The following STRA6 variants were observed in gnomAD, a reference collection of about 807,000 sequenced individuals.
STRA6 encodes receptor for retinol uptake STRA6.
Under a neutral mutation model 83.6 loss-of-function variants are expected in STRA6, and 48 were observed. The observed-to-expected ratio is 0.57, with a 90% CI of 0.46 to 0.73. The LOEUF is 0.73. STRA6 is among the 30% of genes least tolerant of loss of function. The pLI is 0.00. For missense variants in STRA6, 760 were observed against 838.8 expected (o/e 0.91, Z 1.16); for synonymous variants, 353 against 362.3 (o/e 0.97, Z 0.29).
chr15:74,202,440 C>T (rs780848526), intron 1 of STRA6, 158 bp from the exon 2 acceptor site: 5 of 1,536,302 alleles, frequency 3.3e-6, no homozygotes, highest in East Asian at 4.9e-5. Flanking sequence ...GGGAAAAGCC[C>T]GTCTGGGACT....
At chr15:74,182,571 T>A (rs927420119) in intron 14 of STRA6, 111 bp from the exon 15 acceptor site, 3 of 834,184 alleles carry the variant, frequency 3.6e-6, no homozygotes, top group Non-Finnish European at 5.9e-6. Context: ...TGGTTTTAGA[T>A]CTCTGCTCTG....
At chr15:74,204,729 T>TA (rs1229483466), upstream of STRA6, among the ~76,000 whole-genome samples, 1 of 152,124 alleles carries the variant, frequency 6.6e-6, no homozygotes, top group Non-Finnish European at 1.5e-5. Context: ...GGTCAGGAGT[T>TA]AGAGACCCAG....
intron 2 of STRA6, among the ~76,000 whole-genome samples, chr15:74,201,829 C>G (rs2074080834): frequency 6.6e-6 from 1 of 152,144 alleles, no homozygotes; most frequent in Admixed American, 6.5e-5. Context: ...AGCAGCTTCT[C>G]CATCCTGGCT....
chr15:74,206,696 G>C (rs1348734640), upstream of STRA6, among the ~76,000 whole-genome samples: 1 of 152,224 alleles, frequency 6.6e-6, no homozygotes, highest in African/African-American at 2.4e-5. Context: ...GGAGGAGGGG[G>C]CCTGGAGCAG....
At chr15:74,185,087 T>C (rs766221513) in intron 12 of STRA6, 32 bp from the exon 13 acceptor site, 43 of 1,610,000 alleles carry the variant, frequency 2.7e-5, no homozygotes, top group Non-Finnish European at 3.6e-5. Context: ...AAGTGAGAGG[T>C]CAGGGTCTGG....
At chr15:74,204,094 A>G (rs904047477), upstream of STRA6, among the ~76,000 whole-genome samples, 3 of 152,226 alleles carry the variant, frequency 2.0e-5, no homozygotes, top group African/African-American at 4.8e-5. Flanking sequence ...TCTTGCAGGA[A>G]GAGGGCTCTG....
Position 74,180,076 on chromosome 15 carries a change from G to A in STRA6, c.*4C>T, listed in dbSNP as rs2072897021. The A allele has an allele frequency of 6.2e-7, 1 of 1,611,870 alleles. No individual in the cohort carries two copies. The highest frequency in any genetic ancestry group is 1.3e-5 in the African/African-American group (1 of 74,882). Reference sequence around the variant, plus strand: ...ATGGGCAGGTGGGTTGACCTTCCCTGCCCTCAGGGCTGGGCACCATTGGCA... The same window carrying A: ...ATGGGCAGGTGGGTTGACCTTCCCTACCCTCAGGGCTGGGCACCATTGGCA... On this transcript the variant is annotated 3_prime_UTR_variant, in exon 19 of 19. Transcript: ENST00000395105.
At chr15:74,182,040 T>C (rs2073019287) in intron 16 of STRA6, 121 bp downstream of exon 16, 5 of 888,742 alleles carry the variant, frequency 5.6e-6, no homozygotes, top group Admixed American at 1.9e-5. Flanking sequence ...CTTTCTACTA[T>C]CATCTGGGTT....
upstream of STRA6, chr15:74,207,567 ACT>A (rs2074287829): frequency 3.4e-6 from 3 of 877,812 alleles, no homozygotes; most frequent in Admixed American, 6.5e-5. Context: ...TCAGCCCTTG[ACT>A]CTGAGTCCAG....
intron 11 of STRA6, among the ~76,000 whole-genome samples, chr15:74,190,148 G>A (rs2073460464): frequency 6.6e-6 from 1 of 152,186 alleles, no homozygotes; most frequent in African/African-American, 2.4e-5. Flanking sequence ...ACTGAGGGAT[G>A]ACTGTGTCTG....
intron 12 of STRA6, among the ~76,000 whole-genome samples, chr15:74,187,377 G>C (rs1390891481): frequency 6.6e-6 from 1 of 152,202 alleles, no homozygotes; most frequent in African/African-American, 2.4e-5. Flanking sequence ...TCCCTCATGT[G>C]ATTGAGGGCC....
chr15:74,205,386 T>C (rs1377993813), upstream of STRA6, among the ~76,000 whole-genome samples: 1 of 151,990 alleles, frequency 6.6e-6, no homozygotes, highest in Admixed American at 6.5e-5. Flanking sequence ...ACAATCGTGA[T>C]GGAAGGTGAA....
chr15:74,195,269 C>T (rs748915692), intron 7 of STRA6, 33 bp downstream of exon 7: 37 of 1,608,434 alleles, frequency 2.3e-5, no homozygotes, highest in Non-Finnish European at 2.9e-5. Flanking sequence ...TCTGTGCGCC[C>T]CTCTGCCCTA....
At chr15:74,205,382 G>A (rs1047413489), upstream of STRA6, among the ~76,000 whole-genome samples, 2 of 152,170 alleles carry the variant, frequency 1.3e-5, no homozygotes, top group Admixed American at 6.5e-5. Flanking sequence ...ACCCACAATC[G>A]TGATGGAAGG....
chr15:74,209,889 TGG>T (rs918952691), upstream of STRA6, among the ~76,000 whole-genome samples: 4 of 152,158 alleles, frequency 2.6e-5, no homozygotes, highest in Non-Finnish European at 1.5e-5. Flanking sequence ...AGAAGGGCCC[TGG>T]AGAGGCAGTC....
At chr15:74,207,522 G>A (rs1205472171), upstream of STRA6, among the ~76,000 whole-genome samples, 3 of 152,186 alleles carry the variant, frequency 2.0e-5, no homozygotes. Context: ...TTTGCAGAAA[G>A]GCCAGAGACC....
At chr15:74,198,272 T>A (rs529525657) in intron 2 of STRA6, among the ~76,000 whole-genome samples, 5 of 144,436 alleles carry the variant, frequency 3.5e-5, no homozygotes, top group Non-Finnish European at 5.9e-5. Context: ...ATGCCTGGCA[T>A]TTTTTTTTCT....
chr15:74,191,619 G>C, intron 8 of STRA6, 128 bp from the exon 9 acceptor site: 1 of 803,442 alleles, frequency 1.2e-6, no homozygotes, highest in Non-Finnish European at 2.1e-6. Flanking sequence ...TGGCGGTGGT[G>C]GTGAGTGTGG....
chr15:74,209,461 G>T (rs755758636), upstream of STRA6: 48 of 1,534,948 alleles, frequency 3.1e-5, no homozygotes, highest in Non-Finnish European at 3.9e-5. Context: ...GCATCCTGCT[G>T]CTGCCCAGCT....
Sources: gnomAD v4.1 joint callset for allele counts (sites outside exome capture counted in the v4.1 genomes callset) on GRCh38, gnomAD v4.1.1 for gene constraint, MANE v1.5 for transcripts, NCBI Gene and HGNC (gene_info 2026-07-23, HGNC 2026-07-21) for gene names.